Variants in EXOC6B observed in about 807,000 individuals in gnomAD.
EXOC6B encodes SEC15 homolog B.
Under a neutral mutation model 113.5 loss-of-function variants are expected in EXOC6B, and 54 were observed. The ratio of observed to expected loss-of-function variants is 0.48; its 90% CI spans 0.38 to 0.60. The LOEUF is 0.60. EXOC6B is among the 20% of genes least tolerant of loss of function. The pLI is 0.00. For missense variants in EXOC6B, 797 were observed against 977.5 expected, an observed-to-expected ratio of 0.82 and a Z score of 2.46; for synonymous variants, 357 against 339.0, an observed-to-expected ratio of 1.05 and a Z score of -0.58.
chr2:72,636,151 A>G (rs949585191), intron 6 of EXOC6B, among the ~76,000 whole-genome samples: 3 of 152,026 alleles, frequency 2.0e-5, no homozygotes, highest in Non-Finnish European at 4.4e-5. Context: ...TGACCTCAGG[A>G]GTTTGAGGCT....
At chr2:72,244,825 T>C (rs1339741039) in intron 20 of EXOC6B, among the ~76,000 whole-genome samples, 5 of 152,132 alleles carry the variant, frequency 3.3e-5, no homozygotes, top group African/African-American at 4.8e-5. Flanking sequence ...TAAAGGTCAA[T>C]AGCTATCTTA....
At chr2:72,530,855 C>A (rs1351587093) in intron 8 of EXOC6B, among the ~76,000 whole-genome samples, 2 of 152,028 alleles carry the variant, frequency 1.3e-5, no homozygotes, top group Non-Finnish European at 2.9e-5. Flanking sequence ...AATTTTCTTT[C>A]CTCTGATGTC....
At chr2:72,673,377 A>G (rs1201439787) in intron 6 of EXOC6B, among the ~76,000 whole-genome samples, 2 of 152,222 alleles carry the variant, frequency 1.3e-5, no homozygotes, top group Non-Finnish European at 2.9e-5. Flanking sequence ...GCCGTTCCCA[A>G]CACAGGGATG....
At chr2:72,477,598 AC>A (rs1226847359) in intron 17 of EXOC6B, among the ~76,000 whole-genome samples, 1 of 152,202 alleles carries the variant, frequency 6.6e-6, no homozygotes, top group African/African-American at 2.4e-5. Context: ...TCAGATCATT[AC>A]CCCCCACAAC....
intron 18 of EXOC6B, among the ~76,000 whole-genome samples, chr2:72,445,484 C>T (rs533055116): frequency 6.6e-6 from 1 of 152,092 alleles, no homozygotes; most frequent in Non-Finnish European, 1.5e-5. Context: ...TTTCACACTC[C>T]TGATAAAGAC....
chr2:72,227,497 A>G (rs1057439805), intron 20 of EXOC6B, among the ~76,000 whole-genome samples: 2 of 152,224 alleles, frequency 1.3e-5, no homozygotes, highest in African/African-American at 4.8e-5. Flanking sequence ...AAACTGATAT[A>G]CCATAATCAC....
intron 8 of EXOC6B, among the ~76,000 whole-genome samples, chr2:72,523,928 AT>A (rs1308699131): frequency 6.6e-6 from 1 of 152,016 alleles, no homozygotes; most frequent in Non-Finnish European, 1.5e-5. Context: ...ATAACAGAAA[AT>A]TAACTCTTGG....
At chr2:72,786,248 A>AATT (rs1169119434) in intron 1 of EXOC6B, among the ~76,000 whole-genome samples, 1 of 152,252 alleles carries the variant, frequency 6.6e-6, no homozygotes, top group Non-Finnish European at 1.5e-5. Flanking sequence ...AATACAAAGA[A>AATT]ATTATATGAC....
chr2:72,792,029 T>A (rs933356879), intron 1 of EXOC6B, among the ~76,000 whole-genome samples: 6 of 152,232 alleles, frequency 3.9e-5, no homozygotes, highest in Admixed American at 3.3e-4. Context: ...CCAGGTTCTG[T>A]TGCCTAGCTA....
intron 6 of EXOC6B, among the ~76,000 whole-genome samples, chr2:72,672,274 A>G (rs1300566459): frequency 6.6e-6 from 1 of 151,886 alleles, no homozygotes; most frequent in African/African-American, 2.4e-5. Flanking sequence ...TTGCAGCACT[A>G]CTCACAACAG....
intron 1 of EXOC6B, among the ~76,000 whole-genome samples, chr2:72,821,698 A>G (rs1022118479): frequency 2.6e-5 from 4 of 152,108 alleles, no homozygotes; most frequent in African/African-American, 9.7e-5. Context: ...TTCAGTTACC[A>G]AAAAAACCCA....
At chr2:72,468,571 A>AGACT (rs770898679) in intron 17 of EXOC6B, among the ~76,000 whole-genome samples, 2 of 152,188 alleles carry the variant, frequency 1.3e-5, no homozygotes, top group Non-Finnish European at 2.9e-5. Context: ...GAAGTCAGGT[A>AGACT]GACTGATGCT....
At chr2:72,634,849 T>C (rs1039498406) in intron 6 of EXOC6B, among the ~76,000 whole-genome samples, 1 of 151,966 alleles carries the variant, frequency 6.6e-6, no homozygotes, top group African/African-American at 2.4e-5. Context: ...AGATAGACCA[T>C]ATTATGGGCC....
intron 18 of EXOC6B, among the ~76,000 whole-genome samples, chr2:72,388,094 T>A (rs568419886): frequency 2.6e-5 from 4 of 152,208 alleles, no homozygotes; most frequent in African/African-American, 7.2e-5. Context: ...TACTGGCATA[T>A]CATGGGTAGA....
intron 20 of EXOC6B, among the ~76,000 whole-genome samples, chr2:72,285,085 C>T (rs1352689853): frequency 1.3e-5 from 2 of 151,992 alleles, no homozygotes; most frequent in Admixed American, 6.6e-5. Context: ...CCAATATAAA[C>T]CCCAGTAAAT....
intron 8 of EXOC6B, among the ~76,000 whole-genome samples, chr2:72,538,144 G>A (rs1007228349): frequency 1.1e-4 from 17 of 151,902 alleles, no homozygotes; most frequent in African/African-American, 4.1e-4. Flanking sequence ...TTAATTTTTA[G>A]TAGAAATGAG....
chr2:72,792,264 C>T (rs1241642387), intron 1 of EXOC6B, among the ~76,000 whole-genome samples: 1 of 152,176 alleles, frequency 6.6e-6, no homozygotes, highest in African/African-American at 2.4e-5. Context: ...GAACCGTGAA[C>T]CCTTTGTCTA....
chr2:72,550,437 C>T (rs1703146313), intron 8 of EXOC6B, among the ~76,000 whole-genome samples: 1 of 152,080 alleles, frequency 6.6e-6, no homozygotes, highest in Non-Finnish European at 1.5e-5. Flanking sequence ...AATCAATGTC[C>T]AGAAAATAAA....
chr2:72,406,878 A>T (rs992295632), intron 18 of EXOC6B, among the ~76,000 whole-genome samples: 2 of 152,200 alleles, frequency 1.3e-5, no homozygotes, highest in African/African-American at 4.8e-5. Context: ...GGAATCAGAG[A>T]CACAAAAAAA....
Sources: allele counts gnomAD v4.1 joint callset (sites outside exome capture counted in the v4.1 genomes callset), GRCh38; gene constraint gnomAD v4.1.1; transcripts MANE v1.5; gene names NCBI Gene and HGNC (gene_info 2026-07-23, HGNC 2026-07-21).